SYBU: variants seen among roughly 807,000 people sequenced by gnomAD.
The protein encoded by SYBU is syntabulin.
SYBU carries 21 observed loss-of-function variants against 35.9 expected under a neutral mutation model. The ratio of observed to expected loss-of-function variants is 0.58; its 90% confidence interval spans 0.41 to 0.84. SYBU has a LOEUF of 0.84. SYBU is among the 40% of genes least tolerant of loss of function. The probability of loss-of-function intolerance (pLI) is 0.00; values close to 1 mark genes in which losing one functional copy is unlikely to be tolerated. For missense variants in SYBU, 768 were observed against 848.2 expected (o/e 0.91, Z 1.17); for synonymous variants, 319 against 324.3 (o/e 0.98, Z 0.18).
chr8:109,650,563 C>T (rs1234932491), intron 1 of SYBU, among the ~76,000 whole-genome samples: 1 of 152,188 alleles, frequency 6.6e-6, no homozygotes, highest in East Asian at 1.9e-4. Context: ...GTTTTGATTG[C>T]TGCTTTATTC....
At chr8:109,622,959 A>G (rs1201828939) in intron 2 of SYBU, among the ~76,000 whole-genome samples, 1 of 152,182 alleles carries the variant, frequency 6.6e-6, no homozygotes, top group Non-Finnish European at 1.5e-5. Context: ...CCAAGGTTTT[A>G]GGGAAGAAGA....
intron 3 of SYBU, among the ~76,000 whole-genome samples, chr8:109,613,030 A>G (rs905212407): frequency 2.6e-5 from 4 of 151,820 alleles, no homozygotes; most frequent in African/African-American, 7.3e-5. Flanking sequence ...AAGAAAGGAA[A>G]AAAAGCACCA....
At chr8:109,685,149 G>T (rs569267209), upstream of SYBU, among the ~76,000 whole-genome samples, 18 of 152,290 alleles carry the variant, frequency 1.2e-4, no homozygotes, top group South Asian at 3.7e-3. Flanking sequence ...TTCGTCATTT[G>T]TAAAGAGGAA....
intron 3 of SYBU, among the ~76,000 whole-genome samples, chr8:109,592,771 A>AC (rs1824428334): frequency 6.6e-6 from 1 of 152,244 alleles, no homozygotes; most frequent in Admixed American, 6.5e-5. Flanking sequence ...GTGTATCTTG[A>AC]CCAAGTTTTT....
chr8:109,685,624 C>T (rs1817503431), upstream of SYBU, among the ~76,000 whole-genome samples: 1 of 152,172 alleles, frequency 6.6e-6, no homozygotes. Context: ...TAAGGTTTCT[C>T]AGGGGCAAGG....
chr8:109,606,186 C>T (rs1217606232), intron 3 of SYBU, among the ~76,000 whole-genome samples: 1 of 152,078 alleles, frequency 6.6e-6, no homozygotes, highest in Non-Finnish European at 1.5e-5. Context: ...TTAGTAAGTA[C>T]TTGATAAGAA....
At chr8:109,689,489 T>C (rs2130793598) in intron 1 of SYBU, among the ~76,000 whole-genome samples, 1 of 151,932 alleles carries the variant, frequency 6.6e-6, no homozygotes, top group South Asian at 2.1e-4. Flanking sequence ...TGTCCACCTA[T>C]TTTTTTTATA....
rs533510895 is a variant in SYBU at position 109,669,339 on chromosome 8, C to CAAAAA, written c.-129+11367_-129+11371dup. 1.0e-3 allele frequency among the ~76,000 whole-genome samples: 51 copies of CAAAAA among 49,694 alleles called. 2 individuals carry two copies. The highest frequency in any genetic ancestry group is 1.8e-3 in the African/African-American group (30 of 16,308). The allele number at this position is 49,694 out of a possible 152,430, so 32.6% of individuals were successfully genotyped here. ...CCTGGGCGACAGAGTGAGACTCCGT[C>CAAAAA]AAAAAAAAAAAAAAAAAAAAAAAAA... On this transcript the variant is annotated intron_variant, in intron 1 of 5. Coordinates refer to the SYBU transcript ENST00000408889.
intron 3 of SYBU, among the ~76,000 whole-genome samples, chr8:109,592,563 C>T (rs1824408264): frequency 6.6e-6 from 1 of 152,196 alleles, no homozygotes; most frequent in East Asian, 1.9e-4. Context: ...GAGGCAACAC[C>T]ACCCAGTTCA....
At chr8:109,646,219 A>AAGC (rs10651787), upstream of SYBU, 48,234 of 151,764 alleles carry the variant, frequency 0.32, 9,190 homozygotes, top group African/African-American at 0.53. Flanking sequence ...AGAATATTCC[A>AAGC]AGCAGTGCGA....
In SYBU at chr8:109,579,900, A is replaced by C. The variant is rs780162441; in HGVS notation, c.633T>G (p.Asn211Lys). 6.2e-6 allele frequency: 10 copies of C among 1,613,970 alleles called. No homozygotes were observed. Among genetic ancestry groups the C allele is most frequent in the Non-Finnish European group, 8.5e-6 (10 of 1,180,034 alleles). Residue 211 changes from asparagine (N) to lysine (K), a missense_variant, in exon 5 of 7, where the codon AAT (asparagine) becomes AAG (lysine). Asn to Lys is a moderately conservative substitution (Grantham distance 94). Transcript: ENST00000276646. ...EKDLLSMLCR[N>K]QLSPVNIHPS... is the part of the protein sequence containing the mutation. ...GATGGATATTGACAGGGCTCAGCTGATTCCTGCACAGCATGGACAGAAGGT... is the reference window on the plus strand; with the variant it reads ...GATGGATATTGACAGGGCTCAGCTGCTTCCTGCACAGCATGGACAGAAGGT...
At chr8:109,608,075 T>A in intron 3 of SYBU, 1 of 852,548 alleles carries the variant, frequency 1.2e-6, no homozygotes, top group East Asian at 2.8e-5. Flanking sequence ...GCCTTCTGCA[T>A]GTGCAGGGCA....
At chr8:109,667,702 AT>A (rs1287160037) in intron 1 of SYBU, among the ~76,000 whole-genome samples, 1 of 152,116 alleles carries the variant, frequency 6.6e-6, no homozygotes, top group Non-Finnish European at 1.5e-5. Context: ...ATCACAGTTC[AT>A]TTCAGCCTTG....
At chr8:109,686,992 ATAT>A (rs1485235703) in intron 1 of SYBU, among the ~76,000 whole-genome samples, 1 of 152,202 alleles carries the variant, frequency 6.6e-6, no homozygotes, top group African/African-American at 2.4e-5. Flanking sequence ...GCTGAATTAA[ATAT>A]TATGATAATA....
chr8:109,577,871 T>C lies in SYBU; in HGVS notation c.881A>G (p.Glu294Gly). The C allele has an allele frequency of 6.2e-7, 1 of 1,612,078 alleles. No homozygotes were observed. Among genetic ancestry groups the C allele is most frequent in the Non-Finnish European group, 8.5e-7 (1 of 1,178,988 alleles). The change falls in exon 6 of 7, where the codon GAA becomes GGA. Residue 294 changes from glutamate (E) to glycine (G), a missense_variant. Glu to Gly is a moderately conservative substitution (Grantham distance 98). Transcript: ENST00000276646. ...CGTTCAAGGAAGGCAGATTCACCTTTCATGGAGTCGGCGCTCAGATTCCTT... is the reference window on the plus strand; with the variant it reads ...CGTTCAAGGAAGGCAGATTCACCTTCCATGGAGTCGGCGCTCAGATTCCTT... ...KLKESERRLH[E>G]RESEIVELKS...
intron 4 of SYBU, among the ~76,000 whole-genome samples, chr8:109,582,335 T>A (rs965354555): frequency 6.6e-6 from 1 of 152,180 alleles, no homozygotes; most frequent in Non-Finnish European, 1.5e-5. Context: ...AATGCTAACA[T>A]GTATAGGTGC....
rs185563978 is a variant in SYBU at position 109,602,119 on chromosome 8, A to G, written c.428-15957T>C. Among the ~76,000 whole-genome samples the G allele has an allele frequency of 3.3e-3, 502 of 152,312 alleles. 1 individual carries two copies. Among genetic ancestry groups the G allele is most frequent in the Admixed American group, 7.2e-3 (110 of 15,302 alleles). ...TCTTAGGTTCCACAAAATTAACTGT[A>G]TGGGTTCAAAATCATTTGACACTCC... On this transcript the variant is annotated intron_variant, in intron 3 of 6. Transcript: ENST00000276646.
In SYBU at chr8:109,579,977, C is replaced by T. The variant is rs1822833015; in HGVS notation, c.556G>A (p.Gly186Arg). The stretch of plus-strand genomic sequence containing the variant: ...CTGCCAGGCTTGTGTGACGAAGCTC[C>T]ATTACTCCGCCCATGAGGACCTCGA... ...RNRGPHGRSN[G>R]ASSHKPGSSP... The change falls in exon 5 of 7, where the codon GGA (glycine) becomes AGA (arginine). Residue 186 changes from glycine to arginine, a missense_variant. Transcript: ENST00000276646. 1.2e-6 allele frequency: 2 copies of T among 1,612,986 alleles called. No individual in the cohort carries two copies. The highest frequency in any genetic ancestry group is 1.1e-5 in the South Asian group (1 of 91,036).
upstream of SYBU, among the ~76,000 whole-genome samples, chr8:109,682,170 A>C (rs1385964288): frequency 6.6e-6 from 1 of 152,210 alleles, no homozygotes; most frequent in East Asian, 1.9e-4. Flanking sequence ...AGGATACCTG[A>C]AAATGTGAAA....
Sources: gnomAD v4.1 joint callset for allele counts (sites outside exome capture counted in the v4.1 genomes callset) on GRCh38, gnomAD v4.1.1 for gene constraint, MANE v1.5 for transcripts, NCBI Gene and HGNC (gene_info 2026-07-23, HGNC 2026-07-21) for gene names.